Variants in OSBPL9 observed in about 807,000 individuals in gnomAD.
The protein encoded by OSBPL9 is oxysterol binding protein like 9.
In OSBPL9, 40 loss-of-function variants were observed where a neutral mutation model predicts 106.6. The ratio of observed to expected loss-of-function variants is 0.38; its 90% CI spans 0.29 to 0.49. The LOEUF (loss-of-function observed/expected upper bound fraction) is 0.49, where lower values mean the gene tolerates loss of function less well. Ranked by LOEUF, OSBPL9 falls within the 20% of genes least tolerant of loss-of-function variation. The pLI is 0.97. For missense variants in OSBPL9, 609 were observed against 887.2 expected, an observed-to-expected ratio of 0.69 and a Z score of 3.98; for synonymous variants, 269 against 295.4, an observed-to-expected ratio of 0.91 and a Z score of 0.92.
intron 4 of OSBPL9, among the ~76,000 whole-genome samples, chr1:51,717,969 A>G (rs921657078): frequency 3.3e-5 from 5 of 152,198 alleles, no homozygotes; most frequent in South Asian, 2.1e-4. Flanking sequence ...CAGGTGTCCA[A>G]CAGATGAATG....
chr1:51,561,591 T>C, the OSBPL9 span: 1 of 152,028 alleles, frequency 6.6e-6, no homozygotes, highest in African/African-American at 2.4e-5. Context: ...TACTTAACAA[T>C]AGAGAATATA....
chr1:51,677,317 A>G (rs1259651956), intron 3 of OSBPL9, among the ~76,000 whole-genome samples: 1 of 152,202 alleles, frequency 6.6e-6, no homozygotes, highest in African/African-American at 2.4e-5. Flanking sequence ...ACTTACACAT[A>G]AGAAGGAATT....
At chr1:51,560,770 G>A in the OSBPL9 span, 3 of 152,264 alleles carry the variant, frequency 2.0e-5, no homozygotes, top group Non-Finnish European at 4.4e-5. Flanking sequence ...GCAGAGAGAG[G>A]GAAGCTGGGT....
chr1:51,649,545 C>T (rs1403972885), intron 1 of OSBPL9, among the ~76,000 whole-genome samples: 1 of 152,146 alleles, frequency 6.6e-6, no homozygotes, highest in African/African-American at 2.4e-5. Context: ...AATGGCCTTT[C>T]CCCCACTACC....
chr1:51,763,852 G>C (rs1362493248), intron 11 of OSBPL9, among the ~76,000 whole-genome samples: 3 of 151,924 alleles, frequency 2.0e-5, no homozygotes, highest in Admixed American at 6.6e-5. Flanking sequence ...TTTTATGTTG[G>C]AATTTTGAAA....
At chr1:51,681,718 C>A (rs927442815) in intron 3 of OSBPL9, among the ~76,000 whole-genome samples, 10 of 151,968 alleles carry the variant, frequency 6.6e-5, no homozygotes, top group Non-Finnish European at 1.3e-4. Context: ...GGTTCCAGGA[C>A]CCCCACTCCC....
At chr1:51,609,748 ATTT>A (rs778782937) in intron 2 of OSBPL9, among the ~76,000 whole-genome samples, 1 of 119,334 alleles carries the variant, frequency 8.4e-6, no homozygotes, top group African/African-American at 3.1e-5. Flanking sequence ...CTGAATGTCT[ATTT>A]TTTTTTTTTT....
Position 51,669,454 on chromosome 1 carries a change from C to G in OSBPL9, c.183C>G (p.Asp61Glu). The G allele has an allele frequency of 6.2e-7, 1 of 1,614,010 alleles. No individual in the cohort carries two copies. ...VRLRGAVIGI[D>E]DEDDSTFTIT... ...CACAGGGAGCTGTGATTGGTATAGA[C>G]GATGAGGACGACAGCACCTTCACAA... Residue 61 changes from aspartate to glutamate, a missense_variant, in exon 3 of 24, where the codon GAC (aspartate) becomes GAG (glutamate). By Grantham distance (45) the Asp-to-Glu change is conservative (BLOSUM62 2). Around this residue, in one of 5 missense-constraint regions of OSBPL9, gnomAD observed 72 missense variants for 140.5 expected, o/e 0.51. Transcript: ENST00000428468.
chr1:51,540,974 A>C, the OSBPL9 span, among the ~76,000 whole-genome samples: 3 of 150,358 alleles, frequency 2.0e-5, no homozygotes, highest in East Asian at 3.9e-4. Context: ...AAAAAAACAA[A>C]AAAAAAATTA....
chr1:51,785,942 C>CT, intron 21 of OSBPL9, 56 bp downstream of exon 21: 1 of 1,391,392 alleles, frequency 7.2e-7, no homozygotes, highest in Non-Finnish European at 1.0e-6. Context: ...TACTCTATCC[C>CT]TTTTTCTGGC....
At chr1:51,562,302 C>A in the OSBPL9 span, among the ~76,000 whole-genome samples, 1 of 152,008 alleles carries the variant, frequency 6.6e-6, no homozygotes, top group Non-Finnish European at 1.5e-5. Context: ...TTGTGTAGCA[C>A]CTCCCCCCTT....
At chr1:51,602,723 G>A (rs891720758) in intron 2 of OSBPL9, among the ~76,000 whole-genome samples, 1 of 152,130 alleles carries the variant, frequency 6.6e-6, no homozygotes, top group African/African-American at 2.4e-5. Flanking sequence ...TGGGATTACA[G>A]GCATGAGCTA....
the OSBPL9 span, among the ~76,000 whole-genome samples, chr1:51,545,829 C>A: frequency 4.1e-3 from 619 of 152,166 alleles, 6 homozygotes; most frequent in African/African-American, 0.015. Flanking sequence ...CTTTAACATC[C>A]CTCTCTCAGA....
At chr1:51,576,877 G>A (rs1011393454), upstream of OSBPL9, among the ~76,000 whole-genome samples, 2 of 152,166 alleles carry the variant, frequency 1.3e-5, no homozygotes, top group African/African-American at 4.8e-5. Flanking sequence ...GTAGACCTGA[G>A]ATTTGAACCC....
intron 1 of OSBPL9, 115 bp downstream of exon 1, chr1:51,617,336 G>A (rs567733374): frequency 3.9e-6 from 4 of 1,023,838 alleles, no homozygotes; most frequent in African/African-American, 1.6e-5. Flanking sequence ...GGGTGCCGCC[G>A]TACGCGAGGG....
At chr1:51,590,916 A>ATT (rs1293562526) in intron 1 of OSBPL9, among the ~76,000 whole-genome samples, 163 of 131,616 alleles carry the variant, frequency 1.2e-3, no homozygotes, top group African/African-American at 3.9e-3. Context: ...TGCCTGGCTA[A>ATT]TTTTTTTTTT....
chr1:51,723,971 C>G (rs1662626101), intron 4 of OSBPL9, among the ~76,000 whole-genome samples: 1 of 152,042 alleles, frequency 6.6e-6, no homozygotes, highest in Admixed American at 6.6e-5. Flanking sequence ...TATTTGGAGA[C>G]AGTCTCGCTA....
chr1:51,746,176 T>C (rs1367248466), intron 5 of OSBPL9, among the ~76,000 whole-genome samples: 2 of 152,192 alleles, frequency 1.3e-5, no homozygotes, highest in Admixed American at 1.3e-4. Flanking sequence ...ACTCCTGACC[T>C]TGTGATCCGC....
chr1:51,748,374 T>C lies in OSBPL9; in HGVS notation c.468T>C (p.Ile156=). ...AAACTTATTATTTTTCACAGAAAAT[T>C]GAAACTCTCAAAGAGACAACAAATG... is the stretch of plus-strand genomic sequence containing the variant. ...NCKEDEQRKK[I]ETLKETTNSM... The change falls in exon 7 of 24, where the codon ATT becomes ATC. Residue 156 remains isoleucine, a synonymous_variant. Coordinates refer to ENST00000428468, the MANE Select transcript of OSBPL9 (RefSeq NM_024586.6). The C allele has an allele frequency of 6.6e-7, 1 of 1,520,640 alleles. No homozygotes were observed. The highest frequency in any genetic ancestry group is 1.7e-4 in the Middle Eastern group (1 of 5,774). 94.2% of individuals were successfully genotyped at this position (1,520,640 alleles called of 1,614,324 possible).
Sources: gnomAD v4.1 joint callset for allele counts (sites outside exome capture counted in the v4.1 genomes callset) on GRCh38, gnomAD v4.1.1 for gene constraint, gnomAD v4.1.1 regional missense constraint, MANE v1.5 for transcripts, NCBI Gene and HGNC (gene_info 2026-07-23, HGNC 2026-07-21) for gene names.